HNRNPUL2: variants seen among roughly 807,000 people sequenced by gnomAD.
HNRNPUL2 encodes the protein heterogeneous nuclear ribonucleoprotein U like 2.
A neutral mutation model predicts 102.2 loss-of-function variants in HNRNPUL2; 27 were observed. The ratio of observed to expected loss-of-function variants is 0.26; its 90% CI spans 0.19 to 0.36. HNRNPUL2 has a LOEUF of 0.36. Ranked by LOEUF, HNRNPUL2 falls within the 10% of genes least tolerant of loss-of-function variation. The pLI, the probability that HNRNPUL2 is intolerant of heterozygous loss-of-function variation, is 1.00. For missense variants in HNRNPUL2, 936 were observed against 981.1 expected, an observed-to-expected ratio of 0.95 and a Z score of 0.61; for synonymous variants, 458 against 387.2, an observed-to-expected ratio of 1.18 and a Z score of -2.15.
chr11:62,718,278 C>T (rs1269160765), intron 10 of HNRNPUL2, among the ~76,000 whole-genome samples: 3 of 152,128 alleles, frequency 2.0e-5, no homozygotes, highest in Non-Finnish European at 2.9e-5. Flanking sequence ...TACTCTCTGT[C>T]TTATGTATTG....
At chr11:62,724,149 A>ATGGTAGATG (rs1269662249) in intron 2 of HNRNPUL2, 142 bp downstream of exon 2, 3 of 1,225,694 alleles carry the variant, frequency 2.4e-6, no homozygotes, top group Non-Finnish European at 2.3e-6. Flanking sequence ...AGGAGTTTCC[A>ATGGTAGATG]TGGTAGATGC....
chr11:62,715,272 G>A lies in HNRNPUL2; in HGVS notation c.*27C>T. ...GGCACCCCCAGAGATTCAGCTTCATGGCTGACAGGTGACCATGGCAGGGGC... is the reference window on the plus strand; with the variant it reads ...GGCACCCCCAGAGATTCAGCTTCATAGCTGACAGGTGACCATGGCAGGGGC... On this transcript the variant is annotated 3_prime_UTR_variant, in exon 14 of 14. Coordinates refer to ENST00000301785, the MANE Select transcript of HNRNPUL2 (RefSeq NM_001079559.3). 1 of 1,580,404 alleles carries A rather than the reference G, an allele frequency of 6.3e-7. No individual in the cohort carries two copies. The highest frequency in any genetic ancestry group is 8.7e-7 in the Non-Finnish European group (1 of 1,155,420).
At chr11:62,722,950 T>G in intron 4 of HNRNPUL2, 47 bp from the exon 5 acceptor site, 1 of 1,441,588 alleles carries the variant, frequency 6.9e-7, no homozygotes, top group Non-Finnish European at 9.7e-7. Flanking sequence ...ACCAACTGAG[T>G]AGCAAACTCT....
intron 7 of HNRNPUL2, 44 bp downstream of exon 7, chr11:62,722,073 C>T: frequency 6.2e-7 from 1 of 1,605,248 alleles, no homozygotes; most frequent in Non-Finnish European, 8.5e-7. Context: ...GCACCCACCT[C>T]TGCAAAGCAT....
At position 62,713,787 on chromosome 11, in the gene HNRNPUL2, A is replaced by G. The variant is rs919141236; in HGVS notation, c.*1512T>C. The G allele has an allele frequency of 6.6e-6, 1 of 152,290 alleles. No homozygotes were observed. Among genetic ancestry groups the G allele is most frequent in the Admixed American group, 6.5e-5 (1 of 15,286 alleles). 9.4% of individuals were successfully genotyped at this position (152,290 alleles called of 1,614,324 possible). On this transcript the variant is annotated 3_prime_UTR_variant, in exon 14 of 14. Coordinates refer to ENST00000301785, the MANE Select transcript of HNRNPUL2 (RefSeq NM_001079559.3). ...AGATTTTCTCACTAGGAACTGCTGCAGTATGTGGTGTCTGCTGAGTAAGCT... is the reference window on the plus strand; with the variant it reads ...AGATTTTCTCACTAGGAACTGCTGCGGTATGTGGTGTCTGCTGAGTAAGCT...
chr11:62,719,036 C>T (rs1312037020), intron 10 of HNRNPUL2, among the ~76,000 whole-genome samples: 1 of 152,010 alleles, frequency 6.6e-6, no homozygotes, highest in Non-Finnish European at 1.5e-5. Flanking sequence ...CCATCTTGGC[C>T]AGGCTGGTTG....
In HNRNPUL2 at chr11:62,722,284, C is replaced by T; in HGVS notation, c.1192G>A (p.Ala398Thr). 1 of 1,614,142 alleles carries T rather than the reference C, an allele frequency of 6.2e-7. No homozygotes were observed. Among genetic ancestry groups the T allele is most frequent in the Non-Finnish European group, 8.5e-7 (1 of 1,180,030 alleles). The change falls in exon 7 of 14, where the codon GCC becomes ACC. Residue 398 changes from alanine (A) to threonine (T), a missense_variant. Ala to Thr is a moderately conservative substitution (Grantham distance 58). Coordinates refer to ENST00000301785, the MANE Select transcript of HNRNPUL2 (RefSeq NM_001079559.3). ...TTGCAGAGGACATGGGGTAGAAGGG[C>T]CCGGTCTGCCAGGGAATCCTTGCTG... is the stretch of plus-strand genomic sequence containing the variant. ...WISKDSLADR[A>T]LLPHVLCKNC...
In HNRNPUL2 at chr11:62,717,178, A is replaced by C. The variant is rs1339906388; in HGVS notation, c.1792T>G (p.Leu598Val). Reference sequence around the variant, plus strand: ...TCCATATAGTCGCATTTTTCAGGCAAAGAGAAGTTGGCTATAAGAGTAAGA... The same window carrying C: ...TCCATATAGTCGCATTTTTCAGGCACAGAGAAGTTGGCTATAAGAGTAAGA... ...IMLEMKANFS[L>V]PEKCDYMDEV... is the part of the protein sequence containing the mutation. Residue 598 changes from leucine to valine, a missense_variant, in exon 11 of 14, where the codon TTG becomes GTG. Physicochemically the swap from Leu to Val is conservative, Grantham distance 32. This residue lies in a region of HNRNPUL2 where 609 missense variants were observed against 713.0 expected (regional missense o/e 0.85). Coordinates refer to ENST00000301785, the MANE Select transcript of HNRNPUL2 (RefSeq NM_001079559.3). 6.2e-7 allele frequency: 1 copy of C among 1,613,912 alleles called. No individual in the cohort carries two copies. The highest frequency in any genetic ancestry group is 8.5e-7 in the Non-Finnish European group (1 of 1,179,972).
rs1039827620 is a variant in HNRNPUL2, at chr11:62,715,205, G to A, written c.*94C>T. On this transcript the variant is annotated 3_prime_UTR_variant, in exon 14 of 14. Transcript: ENST00000301785. ...CTCCCCGGCAGCTCAGCCCCACCCC[G>A]ACAGCCCCTGTTTTCCTTGGTTGTG... is the stretch of plus-strand genomic sequence containing the variant. 7.0e-5 allele frequency: 11 copies of A among 157,884 alleles called. No individual in the cohort carries two copies. The highest frequency in any genetic ancestry group is 8.7e-5 in the Non-Finnish European group (8 of 91,542). 9.8% of individuals were successfully genotyped at this position (157,884 alleles called of 1,614,324 possible). A position where few individuals can be genotyped will look rare whatever the true frequency, so the allele number is the denominator to read the frequency against.
Position 62,726,703 on chromosome 11 carries a change from T to G in HNRNPUL2, c.454A>C (p.Arg152=). 6.2e-7 allele frequency: 1 copy of G among 1,600,372 alleles called. No homozygotes were observed. Among genetic ancestry groups the G allele is most frequent in the Non-Finnish European group, 8.5e-7 (1 of 1,179,474 alleles). Residue 152 remains arginine, a synonymous_variant, in exon 1 of 14, where the codon AGG becomes CGG. Coordinates refer to ENST00000301785, the MANE Select transcript of HNRNPUL2 (RefSeq NM_001079559.3). ...CGCTCCTCGGGTTCGTCTTCCTCCC[T>G]CTTGCCGAGGCCCTGCTCTTCGCCA... The part of the protein sequence containing the change: ...NGGEEQGLGK[R]EEDEPEERSG...
At chr11:62,725,209 T>C (rs773656330) in intron 1 of HNRNPUL2, among the ~76,000 whole-genome samples, 15 of 152,294 alleles carry the variant, frequency 9.8e-5, no homozygotes, top group Non-Finnish European at 1.6e-4. Flanking sequence ...TCAATATATA[T>C]TTTTTTGAGA....
intron 8 of HNRNPUL2, 74 bp from the exon 9 acceptor site, chr11:62,721,497 T>C: frequency 1.5e-6 from 2 of 1,347,548 alleles, no homozygotes; most frequent in South Asian, 1.4e-5. Flanking sequence ...CCAAGAGTTA[T>C]TGGTAAATGT....
chr11:62,727,408 C>T lies in HNRNPUL2; in HGVS notation c.-252G>A, dbSNP rs986470433. ...ACAACGCAGCAGGGAGCTGTTTCCC[C>T]TCCAGGCCCTTGGTTCCCCAGCCGC... On this transcript the variant is annotated 5_prime_UTR_variant, in exon 1 of 14. Transcript: ENST00000301785. The T allele has an allele frequency of 2.7e-5, 10 of 376,186 alleles. No individual in the cohort carries two copies. Among genetic ancestry groups the T allele is most frequent in the Admixed American group, 1.5e-4 (3 of 19,964 alleles). 23.3% of individuals were successfully genotyped at this position (376,186 alleles called of 1,614,324 possible).
chr11:62,726,462 A>G (rs1313913243), intron 1 of HNRNPUL2, among the ~76,000 whole-genome samples, 157 bp downstream of exon 1: 1 of 152,192 alleles, frequency 6.6e-6, no homozygotes. Flanking sequence ...AGGCGGCCTA[A>G]CCCCTCAGAA....
In HNRNPUL2 at chr11:62,726,496, T is replaced by C. The variant is rs115241768; in HGVS notation, c.538+123A>G. ...AAAGGTGGGTAGAGAATGAAAGGAG[T>C]TCCATCAAATGGCACTTTGAGGCAA... On this transcript the variant is annotated intron_variant, in intron 1 of 13. Transcript: ENST00000301785. 8,482 of 974,170 alleles carry C rather than the reference T, an allele frequency of 8.7e-3. 497 individuals carry two copies. In the African/African-American group the frequency reaches 0.13, roughly 15 times the overall value. The allele number at this position is 974,170 out of a possible 1,614,324, so 60.3% of individuals were successfully genotyped here. A position where few individuals can be genotyped will look rare whatever the true frequency, so the allele number is the denominator to read the frequency against.
intron 1 of HNRNPUL2, among the ~76,000 whole-genome samples, chr11:62,725,332 G>C (rs552926858): frequency 1.4e-4 from 21 of 152,106 alleles, no homozygotes; most frequent in Middle Eastern, 3.2e-3. Flanking sequence ...CAAGAAGCTG[G>C]GATTACCGGC....
In HNRNPUL2 at chr11:62,723,523, C is replaced by T. The variant is rs1006562869; in HGVS notation, c.891+64G>A. ...AAAGAGATAATAATCTTCTTTTCCC[C>T]CTCTAAGAACCGTAAGCATCCAGTA... is the stretch of plus-strand genomic sequence containing the variant. On this transcript the variant is annotated intron_variant, in intron 4 of 13. Transcript: ENST00000301785. The T allele has an allele frequency of 1.0e-4, 149 of 1,458,990 alleles. No homozygotes were observed. In the African/African-American group the frequency reaches 1.9e-3, roughly 19 times the overall value. 90.4% of individuals were successfully genotyped at this position (1,458,990 alleles called of 1,614,324 possible).
At position 62,715,312 on chromosome 11, in the gene HNRNPUL2, T is replaced by C. The variant is rs1370390456; in HGVS notation, c.2231A>G (p.Gln744Arg). 1 of 1,612,508 alleles carries C rather than the reference T, an allele frequency of 6.2e-7. No individual in the cohort carries two copies. Among genetic ancestry groups the C allele is most frequent in the South Asian group, 1.1e-5 (1 of 90,972 alleles). ...DRYYRNYYGY[Q>R]GYR ...ATGGCAGGGGCTTCACCGATACCCT[T>C]GGTACCCGTAGTAATTCCTGTAGTA... The change falls in exon 14 of 14, where the codon CAA (glutamine) becomes CGA (arginine). Residue 744 changes from glutamine (Q) to arginine (R), a missense_variant. By Grantham distance (43) the Gln-to-Arg change is conservative. This residue lies in a region of HNRNPUL2 where 609 missense variants were observed against 713.0 expected (regional missense o/e 0.85). Transcript: ENST00000301785.
In HNRNPUL2 at chr11:62,715,533, T is replaced by A; in HGVS notation, c.2130A>T (p.Arg710Ser). Residue 710 changes from arginine to serine, a missense_variant, in exon 13 of 14, where the codon AGA becomes AGT. By Grantham distance (110) the Arg-to-Ser change is moderately radical (BLOSUM62 -1). This residue lies in a region of HNRNPUL2 where 609 missense variants were observed against 713.0 expected (regional missense o/e 0.85). Transcript: ENST00000301785. ...RFYGRDYEYN[R>S]YRDYYRQYNR... ...TGTATTGTCTGTAATAGTCTCTGTA[T>A]CTGTTGTACTCATAATCTCGCCCGT... 1 of 1,612,820 alleles carries A rather than the reference T, an allele frequency of 6.2e-7. No homozygotes were observed. The highest frequency in any genetic ancestry group is 2.2e-5 in the East Asian group (1 of 44,850).
Sources: allele counts gnomAD v4.1 joint callset (sites outside exome capture counted in the v4.1 genomes callset), GRCh38; gene constraint gnomAD v4.1.1; regional missense constraint gnomAD v4.1.1; transcripts MANE v1.5; gene names NCBI Gene and HGNC (gene_info 2026-07-23, HGNC 2026-07-21).